ZFYVE1: variants seen among roughly 807,000 people sequenced by gnomAD.
The protein encoded by ZFYVE1 is zinc finger FYVE domain-containing protein 1.
Under a neutral mutation model 74.4 loss-of-function variants are expected in ZFYVE1, and 30 were observed. That is an observed-to-expected ratio of 0.40 (90% CI 0.30 to 0.55). The LOEUF (loss-of-function observed/expected upper bound fraction) is 0.55, where lower values mean the gene tolerates loss of function less well. Ranked by LOEUF, ZFYVE1 falls within the 20% of genes least tolerant of loss-of-function variation. The pLI, the probability that ZFYVE1 is intolerant of heterozygous loss-of-function variation, is 0.42. For synonymous variants in ZFYVE1, 335 were observed against 385.1 expected, an observed-to-expected ratio of 0.87 and a Z score of 1.52; for missense variants, 703 against 1,011.6, an observed-to-expected ratio of 0.69 and a Z score of 4.14.
chr14:72,983,408 G>A (rs999847363), intron 4 of ZFYVE1, among the ~76,000 whole-genome samples: 1 of 135,408 alleles, frequency 7.4e-6, no homozygotes, highest in Non-Finnish European at 1.5e-5. Context: ...GTGTCCAAGT[G>A]TTCTCATTGT....
In ZFYVE1 at chr14:72,989,561, C is replaced by A. The variant is rs530207189; in HGVS notation, c.1203+3582G>T. Among the ~76,000 whole-genome samples, 14 of 147,266 alleles carry A rather than the reference C, an allele frequency of 9.5e-5. No individual in the cohort carries two copies. The South Asian group carries it at 2.9e-3, about 31-fold the overall frequency. On this transcript the variant is annotated intron_variant, in intron 4 of 11. Coordinates refer to ENST00000556143, the MANE Select transcript of ZFYVE1 (RefSeq NM_021260.4). ...GCTTTTATAATTTTTAAAATGACAT[C>A]TCTGTTTTAATTAAAATAACCAAAT...
intron 4 of ZFYVE1, among the ~76,000 whole-genome samples, chr14:72,987,379 C>A (rs1186416046): frequency 1.3e-5 from 2 of 152,104 alleles, no homozygotes; most frequent in Admixed American, 6.5e-5. Flanking sequence ...CCAGCCTGGG[C>A]AACAGGCAAA....
intron 3 of ZFYVE1, among the ~76,000 whole-genome samples, chr14:72,993,589 G>GATAACAGGCA (rs373921203): frequency 6.6e-6 from 1 of 150,984 alleles, no homozygotes; most frequent in Non-Finnish European, 1.5e-5. Context: ...ATCCCTACTA[G>GATAACAGGCA]TCCAGAGGCT....
rs200748460 is a variant in ZFYVE1, at chr14:73,024,379, G to A, written c.130C>T (p.Arg44Cys). 1.8e-5 allele frequency: 29 copies of A among 1,614,146 alleles called. No homozygotes were observed. The East Asian group carries it at 2.0e-4, about 11-fold the overall frequency. ...CDECCSLQCL[R>C]CEEELHRQER... Reference sequence around the variant, plus strand: ...TGCCGATGGAGCTCCTCCTCGCAGCGGAGACACTGCAGACTGCAGCACTCA... The same window carrying A: ...TGCCGATGGAGCTCCTCCTCGCAGCAGAGACACTGCAGACTGCAGCACTCA... Residue 44 changes from arginine to cysteine, a missense_variant, in exon 2 of 12, where the codon CGC becomes TGC. This residue lies in a region of ZFYVE1 where 211 missense variants were observed against 221.7 expected (regional missense o/e 0.95). Transcript: ENST00000556143.
In ZFYVE1 at chr14:73,014,084, G is replaced by A. The variant is rs75153765; in HGVS notation, c.483+9942C>T. Among the ~76,000 whole-genome samples the A allele has an allele frequency of 6.5e-3, 983 of 152,218 alleles. 10 individuals carry two copies. Among genetic ancestry groups the A allele is most frequent in the African/African-American group, 0.023 (943 of 41,550 alleles). On this transcript the variant is annotated intron_variant, in intron 2 of 11. Transcript: ENST00000556143. ...ATTCCAGAAAAATCAATCACTTCAA[G>A]GAATTGACAGGCCAGAAGAAAAAAG...
chr14:72,997,795 G>T lies in ZFYVE1; in HGVS notation c.988+16C>A. The T allele has an allele frequency of 6.4e-7, 1 of 1,568,274 alleles. No homozygotes were observed. The highest frequency in any genetic ancestry group is 2.3e-5 in the East Asian group (1 of 44,180). The stretch of plus-strand genomic sequence containing the variant: ...CCCATAAAGGTTGAGCTGTGACACT[G>T]TACCCCATCTCTCACCAGAGCCCAG... On this transcript the variant is annotated intron_variant, in intron 3 of 11. Coordinates refer to ENST00000556143, the MANE Select transcript of ZFYVE1 (RefSeq NM_021260.4).
chr14:73,023,166 AT>A (rs67152072), intron 2 of ZFYVE1, among the ~76,000 whole-genome samples: 119,180 of 122,172 alleles, frequency 0.98, 58,216 homozygotes, highest in Non-Finnish European at 0.99. Flanking sequence ...ATCTCAAAAA[AT>A]ATATATATAT....
intron 2 of ZFYVE1, among the ~76,000 whole-genome samples, chr14:73,004,127 C>T (rs1392750197): frequency 2.0e-5 from 3 of 152,096 alleles, no homozygotes; most frequent in Admixed American, 6.6e-5. Flanking sequence ...ATTTTGGACC[C>T]GTGTCACTCA....
Position 72,978,766 on chromosome 14 carries a change from A to G in ZFYVE1, c.1419+95T>C, listed in dbSNP as rs1430105178. The G allele has an allele frequency of 5.2e-6, 5 of 966,736 alleles. No individual in the cohort carries two copies. The African/African-American group carries it at 6.4e-5, about 12-fold the overall frequency. The allele number at this position is 966,736 out of a possible 1,614,324, so 59.9% of individuals were successfully genotyped here. A position where few individuals can be genotyped will look rare whatever the true frequency, so the allele number is the denominator to read the frequency against. The stretch of plus-strand genomic sequence containing the variant: ...ATTCAATTTGAATATCAAATACTTC[A>G]GCATGCAGCAAAAAATGGCCCCAAG... On this transcript the variant is annotated intron_variant, in intron 6 of 11. Coordinates refer to ENST00000556143, the MANE Select transcript of ZFYVE1 (RefSeq NM_021260.4).
chr14:72,981,697 G>T, intron 5 of ZFYVE1, 92 bp downstream of exon 5: 1 of 1,168,488 alleles, frequency 8.6e-7, no homozygotes, highest in Non-Finnish European at 1.3e-6. Flanking sequence ...AGATCCCAGG[G>T]GATCTGCATC....
intron 2 of ZFYVE1, among the ~76,000 whole-genome samples, chr14:73,001,564 G>T (rs1043396773): frequency 9.9e-5 from 15 of 152,046 alleles, no homozygotes; most frequent in African/African-American, 3.1e-4. Flanking sequence ...TATTTCCAAA[G>T]TATTAATAAT....
intron 3 of ZFYVE1, among the ~76,000 whole-genome samples, chr14:72,993,631 G>A (rs1199154588): frequency 4.0e-5 from 6 of 151,804 alleles, no homozygotes; most frequent in East Asian, 1.9e-4. Context: ...CCCAGGAGGC[G>A]AAGGTTGCAG....
chr14:73,012,618 T>C (rs984897554), intron 2 of ZFYVE1, among the ~76,000 whole-genome samples: 1 of 151,412 alleles, frequency 6.6e-6, no homozygotes, highest in Non-Finnish European at 1.5e-5. Flanking sequence ...GGAGATTTCG[T>C]CTCAAAAAAA....
At chr14:73,008,155 CTTTT>C (rs1017331808) in intron 2 of ZFYVE1, among the ~76,000 whole-genome samples, 7 of 151,974 alleles carry the variant, frequency 4.6e-5, no homozygotes, top group Admixed American at 2.6e-4. Flanking sequence ...AAAAGTGTTT[CTTTT>C]TTTATTTTTT....
intron 6 of ZFYVE1, among the ~76,000 whole-genome samples, chr14:72,978,624 T>C (rs1018402303): frequency 6.9e-6 from 1 of 144,918 alleles, no homozygotes; most frequent in Non-Finnish European, 1.5e-5. Context: ...AAATTACCCT[T>C]ACATACAAGC....
intron 3 of ZFYVE1, among the ~76,000 whole-genome samples, chr14:72,994,554 T>A (rs1019373545): frequency 1.3e-5 from 2 of 152,100 alleles, no homozygotes; most frequent in Non-Finnish European, 2.9e-5. Context: ...TGATACGCAC[T>A]GTTCTGTATG....
At chr14:72,986,675 C>T (rs1211825513) in intron 4 of ZFYVE1, among the ~76,000 whole-genome samples, 2 of 151,584 alleles carry the variant, frequency 1.3e-5, no homozygotes. Flanking sequence ...ACTACAGGCG[C>T]GTGCCACCAT....
chr14:72,970,174 C>A lies in ZFYVE1; in HGVS notation c.*708G>T. The A allele has an allele frequency of 5.5e-6, 1 of 183,484 alleles. No homozygotes were observed. The highest frequency in any genetic ancestry group is 1.2e-5 in the Non-Finnish European group (1 of 86,796). 11.4% of individuals were successfully genotyped at this position (183,484 alleles called of 1,614,324 possible). On this transcript the variant is annotated 3_prime_UTR_variant, in exon 12 of 12. Transcript: ENST00000556143. The stretch of plus-strand genomic sequence containing the variant: ...GTTCCCTGGGGGACCAGGGACAGCA[C>A]GGCCCCTGCATTTCTACTTCTCAGG...
intron 2 of ZFYVE1, among the ~76,000 whole-genome samples, chr14:73,023,017 C>T (rs997979863): frequency 3.3e-5 from 5 of 151,488 alleles, no homozygotes; most frequent in African/African-American, 1.2e-4. Flanking sequence ...TCTAAATTAC[C>T]AGGCGTGATG....
Sources: gnomAD v4.1 joint callset for allele counts (sites outside exome capture counted in the v4.1 genomes callset) on GRCh38, gnomAD v4.1.1 for gene constraint, gnomAD v4.1.1 regional missense constraint, MANE v1.5 for transcripts, NCBI Gene and HGNC (gene_info 2026-07-23, HGNC 2026-07-21) for gene names.